SLC9A9: variants seen among roughly 807,000 people sequenced by gnomAD.
The protein encoded by SLC9A9 is solute carrier family 9 member A9.
SLC9A9 carries 62 observed loss-of-function variants against 77.8 expected under a neutral mutation model. The ratio of observed to expected loss-of-function variants is 0.80; its 90% CI spans 0.65 to 0.98. The LOEUF is 0.98. Among genes scored for constraint, SLC9A9 ranks in the 50% least tolerant of loss-of-function variants. The pLI is 0.00. For synonymous variants in SLC9A9, 320 were observed against 283.5 expected, an observed-to-expected ratio of 1.13 and a Z score of -1.29; for missense variants, 775 against 774.9, an observed-to-expected ratio of 1.00 and a Z score of 0.00.
intron 4 of SLC9A9, among the ~76,000 whole-genome samples, chr3:143,789,071 C>G (rs532725587): frequency 6.6e-6 from 1 of 152,104 alleles, no homozygotes; most frequent in African/African-American, 2.4e-5. Flanking sequence ...ATTCATTTCT[C>G]GACTCTAAAA....
At chr3:143,704,962 A>C (rs1933918539) in intron 4 of SLC9A9, among the ~76,000 whole-genome samples, 1 of 135,430 alleles carries the variant, frequency 7.4e-6, no homozygotes, top group African/African-American at 2.7e-5. Context: ...ATTGCACTCC[A>C]GCCTGGGCAA....
At chr3:143,564,617 T>G (rs2037138113) in intron 8 of SLC9A9, among the ~76,000 whole-genome samples, 1 of 152,102 alleles carries the variant, frequency 6.6e-6, no homozygotes, top group Non-Finnish European at 1.5e-5. Context: ...AATGGAAAAC[T>G]CCTTCAGGCA....
intron 12 of SLC9A9, among the ~76,000 whole-genome samples, chr3:143,437,987 A>G (rs1559915736): frequency 1.3e-5 from 2 of 152,208 alleles, no homozygotes; most frequent in African/African-American, 4.8e-5. Flanking sequence ...TCAATAGTAA[A>G]TCAATGAATC....
At chr3:143,835,117 C>T (rs2009536210) in intron 1 of SLC9A9, among the ~76,000 whole-genome samples, 2 of 152,218 alleles carry the variant, frequency 1.3e-5, no homozygotes, top group Non-Finnish European at 2.9e-5. Flanking sequence ...TCCTACCCAG[C>T]TTTCCTTCCT....
chr3:143,320,199 C>G (rs1053904857), intron 14 of SLC9A9, among the ~76,000 whole-genome samples: 5 of 152,232 alleles, frequency 3.3e-5, no homozygotes, highest in Non-Finnish European at 4.4e-5. Flanking sequence ...CTTCATCCAT[C>G]TTACTATCGT....
intron 12 of SLC9A9, among the ~76,000 whole-genome samples, chr3:143,434,256 G>A (rs758651081): frequency 2.2e-4 from 34 of 152,166 alleles, no homozygotes; most frequent in Non-Finnish European, 4.3e-4. Flanking sequence ...ATCATTCGAT[G>A]ACAGAAACTA....
intron 2 of SLC9A9, among the ~76,000 whole-genome samples, chr3:143,804,467 T>C (rs1337462497): frequency 2.0e-5 from 3 of 152,302 alleles, no homozygotes; most frequent in South Asian, 2.1e-4. Flanking sequence ...CAACCTCTGA[T>C]GGCTGCCGCC....
At chr3:143,385,703 A>C (rs2033407850) in intron 12 of SLC9A9, among the ~76,000 whole-genome samples, 1 of 152,210 alleles carries the variant, frequency 6.6e-6, no homozygotes, top group Non-Finnish European at 1.5e-5. Flanking sequence ...ATATTGTCCC[A>C]GTTTGTGGTG....
At chr3:143,311,765 T>A (rs556575226) in intron 14 of SLC9A9, among the ~76,000 whole-genome samples, 81 of 152,368 alleles carry the variant, frequency 5.3e-4, no homozygotes, top group Non-Finnish European at 1.1e-3. Flanking sequence ...GTTCTGAATG[T>A]TCTTTTGTCT....
chr3:143,277,106 G>C (rs756573917), intron 14 of SLC9A9, among the ~76,000 whole-genome samples: 41 of 152,292 alleles, frequency 2.7e-4, no homozygotes, highest in Non-Finnish European at 1.5e-5. Context: ...AGTGGAGTTG[G>C]TTGGAAAAGT....
intron 2 of SLC9A9, among the ~76,000 whole-genome samples, chr3:143,805,840 C>G (rs1160938300): frequency 6.6e-6 from 1 of 152,150 alleles, no homozygotes; most frequent in East Asian, 1.9e-4. Context: ...TCTTTTCGGA[C>G]TCAGCCCGCC....
chr3:143,731,136 C>G (rs924653643), intron 4 of SLC9A9, among the ~76,000 whole-genome samples: 4 of 152,188 alleles, frequency 2.6e-5, no homozygotes, highest in Admixed American at 2.6e-4. Context: ...TTGGCCAGAA[C>G]TGGAGTACAT....
At chr3:143,441,700 T>C (rs922544304) in intron 12 of SLC9A9, among the ~76,000 whole-genome samples, 5 of 152,148 alleles carry the variant, frequency 3.3e-5, no homozygotes, top group Admixed American at 1.3e-4. Flanking sequence ...GGATGGGCTG[T>C]GGTTTCTGTT....
At chr3:143,781,118 G>A (rs560819101) in intron 4 of SLC9A9, among the ~76,000 whole-genome samples, 4 of 152,114 alleles carry the variant, frequency 2.6e-5, no homozygotes, top group East Asian at 1.9e-4. Context: ...GCCAATATTG[G>A]TACATTATTA....
chr3:143,745,988 G>C (rs1009926711), intron 4 of SLC9A9, among the ~76,000 whole-genome samples: 2 of 152,222 alleles, frequency 1.3e-5, no homozygotes, highest in Non-Finnish European at 2.9e-5. Context: ...AAGGCCCTGA[G>C]GCAGGAATCA....
chr3:143,721,488 C>T (rs1271809367), intron 4 of SLC9A9, among the ~76,000 whole-genome samples: 1 of 124,120 alleles, frequency 8.1e-6, no homozygotes, highest in African/African-American at 3.1e-5. Flanking sequence ...GTGGTGCCTG[C>T]GCAGGTGCAG....
chr3:143,838,728 A>T (rs140039108), intron 1 of SLC9A9, among the ~76,000 whole-genome samples: 3 of 152,190 alleles, frequency 2.0e-5, no homozygotes, highest in Non-Finnish European at 4.4e-5. Flanking sequence ...AAGGCAGGGA[A>T]TCTGTGACAT....
chr3:143,483,595 A>G (rs1052429194), intron 11 of SLC9A9, among the ~76,000 whole-genome samples: 3 of 152,126 alleles, frequency 2.0e-5, no homozygotes, highest in African/African-American at 7.2e-5. Flanking sequence ...ACTTATGCAA[A>G]CTTTATATGC....
chr3:143,536,519 T>C (rs2036590837), intron 9 of SLC9A9, among the ~76,000 whole-genome samples: 1 of 152,232 alleles, frequency 6.6e-6, no homozygotes, highest in African/African-American at 2.4e-5. Flanking sequence ...CCTAACAGTT[T>C]TACATGCTGC....
Sources: gnomAD v4.1 joint callset for allele counts (sites outside exome capture counted in the v4.1 genomes callset) on GRCh38, gnomAD v4.1.1 for gene constraint, MANE v1.5 for transcripts, NCBI Gene and HGNC (gene_info 2026-07-23, HGNC 2026-07-21) for gene names.